PES1: variants seen among roughly 807,000 people sequenced by gnomAD.
PES1 encodes pescadillo ribosomal biogenesis factor 1, also known as pescadillo homolog.
A neutral mutation model predicts 77.1 loss-of-function variants in PES1; 31 were observed. That is an observed-to-expected ratio of 0.40 (90% CI 0.30 to 0.54). The LOEUF (loss-of-function observed/expected upper bound fraction) is 0.54. PES1 is among the 20% of genes least tolerant of loss of function. The probability of loss-of-function intolerance (pLI) is 0.45; values close to 1 mark genes in which losing one functional copy is unlikely to be tolerated. For missense variants in PES1, 658 were observed against 771.7 expected, an observed-to-expected ratio of 0.85 and a Z score of 1.75; for synonymous variants, 282 against 303.0, an observed-to-expected ratio of 0.93 and a Z score of 0.72.
intron 6 of PES1, among the ~76,000 whole-genome samples, chr22:30,582,485 C>G (rs1032622508): frequency 1.3e-5 from 2 of 152,204 alleles, no homozygotes; most frequent in African/African-American, 4.8e-5. Context: ...TGCCCTGGAG[C>G]AGTTAATAGG....
chr22:30,599,301 C>CA (rs1408673373), intron 2 of PES1, among the ~76,000 whole-genome samples: 1 of 124,556 alleles, frequency 8.0e-6, no homozygotes, highest in East Asian at 4.1e-4. Flanking sequence ...GTTTATTGGT[C>CA]AAAGTTTTTT....
At position 30,604,501 on chromosome 22, in the gene PES1, C is replaced by T. The variant is rs1453151564; in HGVS notation, c.-661+960G>A. On this transcript the variant is annotated intron_variant, in intron 2 of 16. Coordinates refer to the PES1 transcript ENST00000402281. Reference sequence around the variant, plus strand: ...TACAAAAATTAGCTGGGGGTGGTGGCGCATGCCTGTGATGTCAGCTACTCA... The same window carrying T: ...TACAAAAATTAGCTGGGGGTGGTGGTGCATGCCTGTGATGTCAGCTACTCA... Among the ~76,000 whole-genome samples, 4 of 151,918 alleles carry T rather than the reference C, an allele frequency of 2.6e-5. No homozygotes were observed. In the South Asian group the frequency reaches 6.2e-4, roughly 24 times the overall value.
intron 2 of PES1, among the ~76,000 whole-genome samples, chr22:30,601,596 A>G (rs565134658): frequency 2.0e-5 from 3 of 151,086 alleles, no homozygotes; most frequent in Non-Finnish European, 3.0e-5. Flanking sequence ...TTACAGGCGT[A>G]AGCCACTGCG....
intron 4 of PES1, 80 bp downstream of exon 4, chr22:30,587,206 C>T (rs2087103769): frequency 9.6e-7 from 1 of 1,046,548 alleles, no homozygotes; most frequent in Admixed American, 1.8e-5. Flanking sequence ...TGGTCTTATT[C>T]CCTATTGTAT....
Position 30,589,288 on chromosome 22 carries a change from C to A in PES1, c.25-18G>T. 1 of 1,599,788 alleles carries A rather than the reference C, an allele frequency of 6.3e-7. No individual in the cohort carries two copies. The highest frequency in any genetic ancestry group is 8.6e-7 in the Non-Finnish European group (1 of 1,168,750). On this transcript the variant is annotated intron_variant, in intron 1 of 14. Coordinates refer to ENST00000354694, the MANE Select transcript of PES1 (RefSeq NM_014303.4). Reference sequence around the variant, plus strand: ...CGTTCATACTGGGAGAGGAAAAAAACAATTCTCCATTAGCAATGATTGTAG... The same window carrying A: ...CGTTCATACTGGGAGAGGAAAAAAAAAATTCTCCATTAGCAATGATTGTAG...
At chr22:30,593,737 G>A (rs904915072), upstream of PES1, among the ~76,000 whole-genome samples, 4 of 152,126 alleles carry the variant, frequency 2.6e-5, no homozygotes, top group Non-Finnish European at 5.9e-5. Flanking sequence ...GGGATGTTCA[G>A]GGAAGCAATT....
At chr22:30,597,627 C>G (rs1192085987) in intron 2 of PES1, among the ~76,000 whole-genome samples, 1 of 151,466 alleles carries the variant, frequency 6.6e-6, no homozygotes, top group African/African-American at 2.4e-5. Flanking sequence ...TGTAAATACA[C>G]CAATTAGCAC....
intron 2 of PES1, among the ~76,000 whole-genome samples, chr22:30,588,788 A>G (rs113805251): frequency 1.8e-3 from 260 of 142,810 alleles, no homozygotes; most frequent in Middle Eastern, 7.0e-3. Context: ...GTCTCCGGGG[A>G]AAAAAAAAAA....
chr22:30,597,852 T>C (rs1333617201), intron 2 of PES1, among the ~76,000 whole-genome samples: 2 of 144,688 alleles, frequency 1.4e-5, no homozygotes, highest in African/African-American at 2.6e-5. Flanking sequence ...GGTAACTCGC[T>C]CGGTTTTTTT....
chr22:30,581,103 T>A lies in PES1; in HGVS notation c.823-2A>T. ...GCTGGCACTGAGGGCTGCCAGTTTC[T>A]ACAGGAGAGAAGGGGGCTGCTTGCA... On this transcript the variant is annotated splice_acceptor_variant, in intron 8 of 14. Transcript: ENST00000354694. LOFTEE classifies it high-confidence loss of function. 6.2e-7 allele frequency: 1 copy of A among 1,604,590 alleles called. No homozygotes were observed. Among genetic ancestry groups the A allele is most frequent in the Admixed American group, 1.7e-5 (1 of 58,846 alleles).
intron 12 of PES1, 166 bp from the exon 13 acceptor site, chr22:30,579,469 G>A: frequency 8.8e-7 from 1 of 1,136,020 alleles, no homozygotes; most frequent in Non-Finnish European, 1.2e-6. Context: ...CAGCCCAGCT[G>A]CCATCAGAGG....
At position 30,579,150 on chromosome 22, in the gene PES1, C is replaced by T. The variant is rs1180948711; in HGVS notation, c.1508G>A (p.Arg503Lys). Residue 503 changes from arginine (R) to lysine (K), a missense_variant, in exon 13 of 15, where the codon AGG (arginine) becomes AAG (lysine). Transcript: ENST00000354694. The stretch of plus-strand genomic sequence containing the variant: ...AGCTCCCCCTACCTTCCCCTCCATC[C>T]TCTGCTCTTCCAGGGCTGCCAGCCG... ...EARLAALEEQ[R>K]MEGKKPRVMA... 2 of 1,608,982 alleles carry T rather than the reference C, an allele frequency of 1.2e-6. No individual in the cohort carries two copies. Among genetic ancestry groups the T allele is most frequent in the East Asian group, 2.2e-5 (1 of 44,872 alleles).
At chr22:30,580,219 A>C in intron 10 of PES1, 41 bp from the exon 11 acceptor site, 1 of 1,578,938 alleles carries the variant, frequency 6.3e-7, no homozygotes, top group Non-Finnish European at 8.6e-7. Flanking sequence ...CACAGACATG[A>C]GCTGCCTGTC....
chr22:30,598,165 T>C (rs1404294837), intron 2 of PES1: 1 of 152,204 alleles, frequency 6.6e-6, no homozygotes, highest in East Asian at 1.9e-4. Flanking sequence ...TGCTCACTTT[T>C]TGGGTGTACA....
intron 3 of PES1, among the ~76,000 whole-genome samples, chr22:30,587,666 GATGGC>G (rs2146474879): frequency 6.6e-6 from 1 of 152,300 alleles, no homozygotes; most frequent in Non-Finnish European, 1.5e-5. Context: ...TACATGGGAG[GATGGC>G]ACAGCAAAGC....
chr22:30,598,064 T>C (rs923251259), intron 2 of PES1, among the ~76,000 whole-genome samples: 7 of 152,024 alleles, frequency 4.6e-5, no homozygotes, highest in African/African-American at 1.5e-4. Context: ...TTTGTATTTT[T>C]AGTAGAGACG....
At chr22:30,605,995 C>G (rs907933921) in intron 1 of PES1, among the ~76,000 whole-genome samples, 2 of 152,134 alleles carry the variant, frequency 1.3e-5, no homozygotes, top group Non-Finnish European at 2.9e-5. Context: ...CTTGCCTAAC[C>G]CTCTCTTCTC....
chr22:30,579,719 G>A (rs190110290), intron 12 of PES1, 32 bp downstream of exon 12: 575 of 1,603,842 alleles, frequency 3.6e-4, no homozygotes, highest in Admixed American at 7.5e-4. Context: ...TGGGCCCAGG[G>A]GTCAAGGCCA....
intron 2 of PES1, among the ~76,000 whole-genome samples, chr22:30,602,880 GTCTTGC>G (rs59582076): frequency 0.027 from 4,035 of 151,820 alleles, 73 homozygotes; most frequent in African/African-American, 0.047. Flanking sequence ...CACTAATAGT[GTCTTGC>G]TATTTATCTT....
Sources: allele counts gnomAD v4.1 joint callset (sites outside exome capture counted in the v4.1 genomes callset), GRCh38; gene constraint gnomAD v4.1.1; transcripts MANE v1.5; gene names NCBI Gene and HGNC (gene_info 2026-07-23, HGNC 2026-07-21).